The following HRH2 variants were observed in gnomAD, a reference collection of about 807,000 sequenced individuals.
HRH2 encodes the protein histamine H2 receptor.
In HRH2, 4 loss-of-function variants were observed where a neutral mutation model predicts 20.1. That is an observed-to-expected ratio of 0.20 (90% CI 0.10 to 0.45). HRH2 has a LOEUF of 0.45. Ranked by LOEUF, HRH2 falls within the 20% of genes least tolerant of loss-of-function variation. The pLI is 0.99. For missense variants in HRH2, 250 were observed against 461.6 expected (o/e 0.54, Z 4.20); for synonymous variants, 197 against 200.7 (o/e 0.98, Z 0.16).
chr5:175,698,135 G>C (rs1756666601), intron 2 of HRH2, among the ~76,000 whole-genome samples: 1 of 152,226 alleles, frequency 6.6e-6, no homozygotes, highest in African/African-American at 2.4e-5. Context: ...ACACCGACCT[G>C]CACACGCTCG....
intron 2 of HRH2, among the ~76,000 whole-genome samples, chr5:175,707,129 A>C (rs1756965507): frequency 6.6e-6 from 1 of 152,234 alleles, no homozygotes; most frequent in African/African-American, 2.4e-5. Context: ...TTTCAGGAGT[A>C]GGAAAAGTGA....
Position 175,689,346 on chromosome 5 carries a change from T to A in HRH2, c.1076+5037T>A, listed in dbSNP as rs576938786. Among the ~76,000 whole-genome samples, 10 of 148,178 alleles carry A rather than the reference T, an allele frequency of 6.7e-5. No individual in the cohort carries two copies. The Admixed American group carries it at 6.8e-4, about 10-fold the overall frequency. On this transcript the variant is annotated intron_variant, in intron 2 of 2. Transcript: ENST00000636584. ...CTTCTTCCCCCTCTTGACTTACTTA[T>A]CCTATTGGTTTAACGTCTGCTCCCC...
chr5:175,666,854 A>C (rs1394006879), intron 1 of HRH2, among the ~76,000 whole-genome samples: 1 of 152,144 alleles, frequency 6.6e-6, no homozygotes, highest in East Asian at 1.9e-4. Flanking sequence ...TGAGTAGATA[A>C]GACCTTCATG....
At chr5:175,707,344 C>T (rs1756973541) in intron 2 of HRH2, among the ~76,000 whole-genome samples, 2 of 152,186 alleles carry the variant, frequency 1.3e-5, no homozygotes, top group South Asian at 2.1e-4. Flanking sequence ...GTGGGAGGAT[C>T]CCTTGAGCCC....
chr5:175,673,242 T>C (rs184592513), intron 1 of HRH2, among the ~76,000 whole-genome samples: 2 of 152,072 alleles, frequency 1.3e-5, no homozygotes, highest in African/African-American at 4.8e-5. Context: ...TGTGTGTGTG[T>C]GCGTGTGTGT....
At chr5:175,680,379 A>G (rs1755920674) in intron 1 of HRH2, among the ~76,000 whole-genome samples, 1 of 152,214 alleles carries the variant, frequency 6.6e-6, no homozygotes, top group Non-Finnish European at 1.5e-5. Flanking sequence ...ATGCAGAGGC[A>G]TGAGAAACCC....
chr5:175,658,429 G>T (rs1392606506), intron 1 of HRH2, among the ~76,000 whole-genome samples: 1 of 152,228 alleles, frequency 6.6e-6, no homozygotes, highest in Admixed American at 6.5e-5. Flanking sequence ...GAGAGCTCGG[G>T]ATGCAGCCCC....
chr5:175,708,119 T>C lies in HRH2; in HGVS notation c.*148T>C. 1 of 397,124 alleles carries C rather than the reference T, an allele frequency of 2.5e-6. No homozygotes were observed. The highest frequency in any genetic ancestry group is 4.4e-6 in the Non-Finnish European group (1 of 225,586). The allele number at this position is 397,124 out of a possible 1,614,324, so 24.6% of individuals were successfully genotyped here. Reference sequence around the variant, plus strand: ...GAACACACAGCTGGGTGTGGGGTCCTCAGGCCTAGGGCGGAACAGCCTATT... The same window carrying C: ...GAACACACAGCTGGGTGTGGGGTCCCCAGGCCTAGGGCGGAACAGCCTATT... On this transcript the variant is annotated 3_prime_UTR_variant, in exon 3 of 3. Coordinates refer to ENST00000636584, the MANE Select transcript of HRH2 (RefSeq NM_001367711.1).
intron 2 of HRH2, among the ~76,000 whole-genome samples, chr5:175,692,457 G>A (rs1169407917): frequency 6.6e-6 from 1 of 152,226 alleles, no homozygotes; most frequent in Non-Finnish European, 1.5e-5. Context: ...TTGGGCAGGT[G>A]GCTTGCCCTC....
rs982975544 is a variant in HRH2, at chr5:175,677,729, C to G, written c.-525-4980C>G. Among the ~76,000 whole-genome samples the G allele has an allele frequency of 9.2e-5, 14 of 152,230 alleles. No individual in the cohort carries two copies. The highest frequency in any genetic ancestry group is 1.8e-4 in the Non-Finnish European group (12 of 68,038). The stretch of plus-strand genomic sequence containing the variant: ...GATGACAGGGGAAAAGTTCTGAGAA[C>G]GAATAGCTCATGAGAATGAGGAACT... On this transcript the variant is annotated intron_variant, in intron 1 of 2. Coordinates refer to ENST00000636584, the MANE Select transcript of HRH2 (RefSeq NM_001367711.1). The surrounding 1 kb of genome is among the most constrained non-coding windows in gnomAD (Gnocchi z 4.2).
At position 175,681,283 on chromosome 5, in the gene HRH2, G is replaced by C. The variant is rs995506525; in HGVS notation, c.-525-1426G>C. 6.6e-6 allele frequency among the ~76,000 whole-genome samples: 1 copy of C among 152,154 alleles called. No individual in the cohort carries two copies. The highest frequency in any genetic ancestry group is 1.5e-5 in the Non-Finnish European group (1 of 68,028). ...CCAGGGAGCGTGGCAGAAGGTGATC[G>C]GGAACCCTGATCCCTGCACGAACAC... On this transcript the variant is annotated intron_variant, in intron 1 of 2. Transcript: ENST00000636584. The surrounding 1 kb of genome is among the most constrained non-coding windows in gnomAD (Gnocchi z 4.3).
At chr5:175,698,998 T>C (rs601766) in intron 2 of HRH2, among the ~76,000 whole-genome samples, 31,929 of 152,172 alleles carry the variant, frequency 0.21, 6,346 homozygotes, top group African/African-American at 0.53. Context: ...CCTCAGTCTC[T>C]TTCAAAGCAG....
rs965095078 is a variant in HRH2 at position 175,709,592 on chromosome 5, G to C, written c.*1621G>C. 6.6e-6 allele frequency: 1 copy of C among 152,520 alleles called. No individual in the cohort carries two copies. The highest frequency in any genetic ancestry group is 1.5e-5 in the Non-Finnish European group (1 of 68,310). The allele number at this position is 152,520 out of a possible 1,614,324, so 9.4% of individuals were successfully genotyped here. A position where few individuals can be genotyped will look rare whatever the true frequency, so the allele number is the denominator to read the frequency against. ...CTTTCTCAGACCAAAGCCTGCCCGG[G>C]CTTCACAGGCTGAGGGTCCACCTTG... On this transcript the variant is annotated 3_prime_UTR_variant, in exon 3 of 3. Coordinates refer to ENST00000636584, the MANE Select transcript of HRH2 (RefSeq NM_001367711.1).
intron 1 of HRH2, among the ~76,000 whole-genome samples, chr5:175,669,971 GC>G (rs1488820507): frequency 6.6e-6 from 1 of 152,196 alleles, no homozygotes; most frequent in African/African-American, 2.4e-5. Context: ...TTTCCAAGGA[GC>G]CCAAATTTTA....
chr5:175,660,988 G>C (rs1208393065), intron 1 of HRH2, among the ~76,000 whole-genome samples: 2 of 152,146 alleles, frequency 1.3e-5, no homozygotes, highest in Admixed American at 6.5e-5. Context: ...GGCTCATGAT[G>C]GTTTAGTCTC....
chr5:175,682,380 C>T (rs903487336), intron 1 of HRH2, among the ~76,000 whole-genome samples: 5 of 152,220 alleles, frequency 3.3e-5, no homozygotes, highest in Non-Finnish European at 7.3e-5. Context: ...GCACCAGGAA[C>T]CAGCAGAGAA....
At chr5:175,667,168 G>A (rs1166195014) in intron 1 of HRH2, among the ~76,000 whole-genome samples, 3 of 152,134 alleles carry the variant, frequency 2.0e-5, no homozygotes, top group Non-Finnish European at 2.9e-5. Context: ...TGCTGGCTGG[G>A]TGCGGTGGCT....
chr5:175,678,915 G>A (rs991214774), intron 1 of HRH2, among the ~76,000 whole-genome samples: 10 of 152,210 alleles, frequency 6.6e-5, no homozygotes, highest in Admixed American at 5.2e-4. Context: ...TTTCATAAAC[G>A]TGGAGGGGGA....
intron 2 of HRH2, among the ~76,000 whole-genome samples, chr5:175,705,641 C>T (rs1756921767): frequency 1.3e-5 from 2 of 151,754 alleles, no homozygotes; most frequent in Admixed American, 1.3e-4. Context: ...CTACCTACCC[C>T]TACAGGTAGT....
Sources: allele counts gnomAD v4.1 joint callset (sites outside exome capture counted in the v4.1 genomes callset), GRCh38; gene constraint gnomAD v4.1.1; non-coding constraint Gnocchi (gnomAD v3.1); transcripts MANE v1.5; gene names NCBI Gene and HGNC (gene_info 2026-07-23, HGNC 2026-07-21).